Variants in STRBP observed in about 807,000 individuals in gnomAD.
STRBP encodes the protein spermatid perinuclear RNA-binding protein.
Under a neutral mutation model 80.1 loss-of-function variants are expected in STRBP, and 13 were observed. The ratio of observed to expected loss-of-function variants is 0.16; its 90% CI spans 0.11 to 0.26. The LOEUF (loss-of-function observed/expected upper bound fraction) is 0.26. STRBP is among the 10% of genes least tolerant of loss of function. The pLI is 1.00. For synonymous variants in STRBP, 284 were observed against 291.2 expected (o/e 0.98, Z 0.25); for missense variants, 485 against 815.2 (o/e 0.59, Z 4.93).
At chr9:123,143,463 C>G (rs1041968034) in intron 13 of STRBP, among the ~76,000 whole-genome samples, 2 of 152,202 alleles carry the variant, frequency 1.3e-5, no homozygotes, top group Non-Finnish European at 2.9e-5. Context: ...GTACAAAACC[C>G]TCACCAAGCG....
In STRBP at chr9:123,124,077, C is replaced by G. The variant is rs2035811273; in HGVS notation, c.*1520G>C. On this transcript the variant is annotated 3_prime_UTR_variant, in exon 19 of 19. Coordinates refer to ENST00000348403, the MANE Select transcript of STRBP (RefSeq NM_018387.5). ...TGTAATATATATCTGAGAAGTGACACTAACATTTGTTGTACATTGCCCATT... is the reference window on the plus strand; with the variant it reads ...TGTAATATATATCTGAGAAGTGACAGTAACATTTGTTGTACATTGCCCATT... The G allele has an allele frequency of 2.0e-6, 2 of 985,310 alleles. No homozygotes were observed. The highest frequency in any genetic ancestry group is 4.7e-5 in the South Asian group (1 of 21,294). The allele number at this position is 985,310 out of a possible 1,614,324, so 61.0% of individuals were successfully genotyped here.
At chr9:123,249,236 A>G (rs776069892) in intron 1 of STRBP, among the ~76,000 whole-genome samples, 1 of 152,090 alleles carries the variant, frequency 6.6e-6, no homozygotes, top group African/African-American at 2.4e-5. Flanking sequence ...TTAATTAGCC[A>G]GGCATGGTGG....
At position 123,125,760 on chromosome 9, in the gene STRBP, A is replaced by T. The variant is rs1273978307; in HGVS notation, c.1943-87T>A. ...GGTAAAAAAATATCTGACAGTAATT[A>T]TCATTAACCTTTTCCAGATCAGTCA... On this transcript the variant is annotated intron_variant, in intron 18 of 18. Transcript: ENST00000348403. The T allele has an allele frequency of 2.9e-6, 3 of 1,051,458 alleles. No individual in the cohort carries two copies. In the Admixed American group the frequency reaches 6.5e-5, roughly 23 times the overall value. The allele number at this position is 1,051,458 out of a possible 1,614,324, so 65.1% of individuals were successfully genotyped here. A position where few individuals can be genotyped will look rare whatever the true frequency, so the allele number is the denominator to read the frequency against.
At chr9:123,190,679 G>T (rs774072721) in intron 2 of STRBP, among the ~76,000 whole-genome samples, 17 of 152,238 alleles carry the variant, frequency 1.1e-4, no homozygotes, top group Non-Finnish European at 1.8e-4. Context: ...TATGTACAAA[G>T]AAGATGCGAC....
chr9:123,232,033 T>A (rs2040412749), intron 2 of STRBP, among the ~76,000 whole-genome samples: 1 of 152,146 alleles, frequency 6.6e-6, no homozygotes, highest in Admixed American at 6.5e-5. Flanking sequence ...CTTAGCCAGC[T>A]GGATGCAGTG....
chr9:123,200,967 T>C (rs1227964051), intron 2 of STRBP, among the ~76,000 whole-genome samples: 1 of 151,840 alleles, frequency 6.6e-6, no homozygotes, highest in African/African-American at 2.4e-5. Context: ...TCTAGGAAGG[T>C]TGTACGTTTC....
chr9:123,189,912 ATATT>A (rs1450030400), intron 2 of STRBP, among the ~76,000 whole-genome samples: 1 of 152,212 alleles, frequency 6.6e-6, no homozygotes, highest in Non-Finnish European at 1.5e-5. Flanking sequence ...AAGTAAATAT[ATATT>A]TATTAATTGC....
intron 11 of STRBP, among the ~76,000 whole-genome samples, chr9:123,151,422 A>T (rs1350507926): frequency 1.3e-5 from 2 of 152,180 alleles, no homozygotes; most frequent in African/African-American, 4.8e-5. Context: ...GCAAAAAACG[A>T]CCATGTGCTG....
Position 123,176,118 on chromosome 9 carries a change from A to G in STRBP, c.225-2276T>C, listed in dbSNP as rs146175231. On this transcript the variant is annotated intron_variant, in intron 4 of 18. Coordinates refer to ENST00000348403, the MANE Select transcript of STRBP (RefSeq NM_018387.5). ...GTTAACAAACTTTGGCCAGAGCCCA[A>G]CAGATATTAACAGCTCAATAAACAA... Among the ~76,000 whole-genome samples the G allele has an allele frequency of 6.9e-4, 105 of 152,370 alleles. 1 individual carries two copies. The East Asian group carries it at 9.2e-3, about 13-fold the overall frequency.
intron 2 of STRBP, among the ~76,000 whole-genome samples, chr9:123,204,436 A>AT: frequency 6.6e-6 from 1 of 152,344 alleles, no homozygotes; most frequent in Middle Eastern, 3.4e-3. Context: ...AAAGCTCAAG[A>AT]TGGCATCTAT....
At chr9:123,231,030 G>A (rs537336957) in intron 2 of STRBP, among the ~76,000 whole-genome samples, 2 of 152,304 alleles carry the variant, frequency 1.3e-5, no homozygotes, top group South Asian at 4.1e-4. Flanking sequence ...CTGCAACCCA[G>A]TGGTTCTTCA....
intron 11 of STRBP, among the ~76,000 whole-genome samples, chr9:123,149,484 ATCTCT>A (rs1247070529): frequency 6.6e-6 from 1 of 152,182 alleles, no homozygotes; most frequent in East Asian, 1.9e-4. Context: ...AAATGCAGAG[ATCTCT>A]TCTCTAAATC....
chr9:123,155,913 G>A (rs1160137481), intron 11 of STRBP, among the ~76,000 whole-genome samples: 1 of 151,620 alleles, frequency 6.6e-6, no homozygotes, highest in African/African-American at 2.4e-5. Flanking sequence ...TGAAAGTATT[G>A]GAGAGATCAT....
intron 11 of STRBP, among the ~76,000 whole-genome samples, chr9:123,156,405 C>G (rs1361916395): frequency 6.6e-6 from 1 of 151,904 alleles, no homozygotes; most frequent in Non-Finnish European, 1.5e-5. Flanking sequence ...AGGATTCTTT[C>G]TCCTGAGGAG....
chr9:123,113,602 A>G (rs1031172454), intron 3 of STRBP: 5 of 167,268 alleles, frequency 3.0e-5, no homozygotes, highest in Non-Finnish European at 7.3e-5. Flanking sequence ...CCATATGGGC[A>G]GGAACTACAT....
At chr9:123,168,121 C>T (rs922957176) in intron 6 of STRBP, 1 of 626,670 alleles carries the variant, frequency 1.6e-6, no homozygotes, top group African/African-American at 2.0e-5. Flanking sequence ...TTTAATAATA[C>T]CTATAATTAC....
intron 2 of STRBP, among the ~76,000 whole-genome samples, chr9:123,218,355 CTTTTTTTTT>C (rs10689260): frequency 2.9e-5 from 3 of 102,440 alleles, no homozygotes; most frequent in South Asian, 3.3e-4. Flanking sequence ...TTAAATATGA[CTTTTTTTTT>C]TTTTTTTTTT....
At position 123,159,181 on chromosome 9, in the gene STRBP, A is replaced by C. The variant is rs748125351; in HGVS notation, c.750T>G (p.Ser250=). Residue 250 remains serine, a synonymous_variant, in exon 9 of 19, where the codon TCT becomes TCG. Coordinates refer to ENST00000348403, the MANE Select transcript of STRBP (RefSeq NM_018387.5). ...GWPLELICEK[S]IGTCNRPLGA... The stretch of plus-strand genomic sequence containing the variant: ...CCAAAGGTCTATTACAAGTACCTAT[A>C]GACTTTTCACATATAAGTTCTAGTG... 6 of 1,613,342 alleles carry C rather than the reference A, an allele frequency of 3.7e-6. No homozygotes were observed. In the Admixed American group the frequency reaches 8.3e-5, roughly 22 times the overall value.
intron 1 of STRBP, among the ~76,000 whole-genome samples, chr9:123,246,523 G>A (rs1408238504): frequency 1.3e-5 from 2 of 152,078 alleles, no homozygotes; most frequent in Non-Finnish European, 2.9e-5. Context: ...TTGGGGTTTA[G>A]GGGGATGAGA....
Sources: gnomAD v4.1 joint callset for allele counts (sites outside exome capture counted in the v4.1 genomes callset) on GRCh38, gnomAD v4.1.1 for gene constraint, MANE v1.5 for transcripts, NCBI Gene and HGNC (gene_info 2026-07-23, HGNC 2026-07-21) for gene names.